Variants in TNK2 observed in about 807,000 individuals in gnomAD.
The protein encoded by TNK2 is tyrosine kinase non receptor 2, also known as activated CDC42 kinase 1.
In TNK2, 83 loss-of-function variants were observed where a neutral mutation model predicts 101.8. The observed-to-expected ratio is 0.82, with a 90% confidence interval of 0.68 to 0.98. The LOEUF is 0.98. TNK2 is among the 50% of genes least tolerant of loss of function. The pLI is 0.00. For missense variants in TNK2, 1,665 were observed against 1,483.2 expected, an observed-to-expected ratio of 1.12 and a Z score of -2.01; for synonymous variants, 804 against 633.0, an observed-to-expected ratio of 1.27 and a Z score of -4.06.
At position 195,884,982 on chromosome 3, in the gene TNK2, T is replaced by G; in HGVS notation, c.286A>C (p.Ser96Arg). The G allele has an allele frequency of 6.2e-7, 1 of 1,613,158 alleles. No individual in the cohort carries two copies. The highest frequency in any genetic ancestry group is 8.5e-7 in the Non-Finnish European group (1 of 1,179,556). ...GCGGGCGAGGTCTTCCGGAAGGTGC[T>G]CTGAGAGTGATGAGGTGGGAACTCA... ...EAEFPPHHSQ[S>R]TFRKTSPAPG... Residue 96 changes from serine to arginine, a missense_variant, in exon 4 of 16, where the codon AGC becomes CGC. Transcript: ENST00000672887.
At chr3:195,872,579 C>T in intron 9 of TNK2, 109 bp from the exon 10 acceptor site, 1 of 1,191,212 alleles carries the variant, frequency 8.4e-7, no homozygotes, top group Non-Finnish European at 1.2e-6. Flanking sequence ...GGAGCTCAGG[C>T]CTCAGGACCA....
intron 13 of TNK2, 21 bp downstream of exon 13, chr3:195,867,340 A>G: frequency 6.2e-7 from 1 of 1,608,362 alleles, no homozygotes; most frequent in East Asian, 2.2e-5. Flanking sequence ...CGCTTCGCCC[A>G]CAGCCAGGCT....
rs2149121331 is a variant in TNK2 at position 195,863,623 on chromosome 3, C to T, written c.*558G>A. ...AGCCACCTCAGGCTATTTCCAGGCA[C>T]AAGATCCTGAGGCCAGCCAAGTCCC... On this transcript the variant is annotated 3_prime_UTR_variant, in exon 16 of 16. Transcript: ENST00000672887. 1 of 153,296 alleles carries T rather than the reference C, an allele frequency of 6.5e-6. No individual in the cohort carries two copies. The highest frequency in any genetic ancestry group is 2.4e-5 in the African/African-American group (1 of 41,582). 9.5% of individuals were successfully genotyped at this position (153,296 alleles called of 1,614,324 possible).
intron 15 of TNK2, among the ~76,000 whole-genome samples, chr3:195,865,007 G>A (rs571799276): frequency 4.1e-5 from 5 of 120,978 alleles, no homozygotes; most frequent in African/African-American, 6.3e-5. Flanking sequence ...AGGTGACAGC[G>A]AGTGCCTGCG....
intron 1 of TNK2, among the ~76,000 whole-genome samples, chr3:195,901,483 T>C (rs1204455029): frequency 6.6e-6 from 1 of 151,938 alleles, no homozygotes; most frequent in East Asian, 1.9e-4. Flanking sequence ...AAGAGTCCAA[T>C]GTTGTTACAT....
At chr3:195,897,890 T>A (rs1430935646) in intron 1 of TNK2, among the ~76,000 whole-genome samples, 5 of 145,510 alleles carry the variant, frequency 3.4e-5, no homozygotes, top group Non-Finnish European at 7.5e-5. Flanking sequence ...TCATGTTTCC[T>A]TCTATTCTCC....
At position 195,867,928 on chromosome 3, in the gene TNK2, A is replaced by G; in HGVS notation, c.2370T>C (p.Pro790=). The G allele has an allele frequency of 6.5e-7, 1 of 1,532,598 alleles. No homozygotes were observed. The highest frequency in any genetic ancestry group is 8.7e-7 in the Non-Finnish European group (1 of 1,150,752). 94.9% of individuals were successfully genotyped at this position (1,532,598 alleles called of 1,614,324 possible). A position where few individuals can be genotyped will look rare whatever the true frequency, so the allele number is the denominator to read the frequency against. Residue 790 remains proline, a synonymous_variant, in exon 13 of 16, where the codon CCT becomes CCC. Coordinates refer to ENST00000672887, the MANE Select transcript of TNK2 (RefSeq NM_001382273.1). ...ETSQWPGPAS[P]PRVPPREPLS... is the part of the protein sequence containing the mutation. ...GGGGCTCCCGCGGAGGCACCCGGGG[A>G]GGGGAAGCAGGTCCAGGCCACTGGC...
chr3:195,906,037 AGACATAC>A (rs747884481), intron 1 of TNK2, among the ~76,000 whole-genome samples: 10 of 152,228 alleles, frequency 6.6e-5, no homozygotes, highest in Non-Finnish European at 1.5e-4. Flanking sequence ...ACAGCACCAA[AGACATAC>A]GTATGGCAAA....
Position 195,878,601 on chromosome 3 carries a change from G to C in TNK2, c.1015-9C>G. 1 of 1,610,768 alleles carries C rather than the reference G, an allele frequency of 6.2e-7. No individual in the cohort carries two copies. The highest frequency in any genetic ancestry group is 8.5e-7 in the Non-Finnish European group (1 of 1,178,572). ...TCGATCTTATGCAGGATCTGAAGGT[G>C]AGGAGGTGCAGAGTTTGACGACAAA... On this transcript the variant is annotated splice_polypyrimidine_tract_variant and intron_variant, in intron 7 of 15. Coordinates refer to ENST00000672887, the MANE Select transcript of TNK2 (RefSeq NM_001382273.1). The surrounding 1 kb of genome is among the most constrained non-coding windows in gnomAD (Gnocchi z 4.7).
intron 2 of TNK2, among the ~76,000 whole-genome samples, chr3:195,887,838 G>A (rs1171082699): frequency 1.5e-5 from 1 of 64,832 alleles, no homozygotes; most frequent in Non-Finnish European, 2.7e-5. Flanking sequence ...GCACACACGT[G>A]TGTGTGTGTG....
chr3:195,903,045 C>T (rs1761379296), intron 1 of TNK2, among the ~76,000 whole-genome samples: 2 of 151,178 alleles, frequency 1.3e-5, no homozygotes, highest in South Asian at 2.1e-4. Flanking sequence ...CCACCGCACC[C>T]GGCCAGCTAA....
intron 1 of TNK2, among the ~76,000 whole-genome samples, chr3:195,891,007 T>C (rs889083280): frequency 2.0e-5 from 3 of 152,242 alleles, no homozygotes; most frequent in African/African-American, 7.2e-5. Context: ...TACCTTCCTC[T>C]TATGTCTCTT....
chr3:195,895,752 G>A, intron 1 of TNK2: 1 of 331,214 alleles, frequency 3.0e-6, no homozygotes, highest in Non-Finnish European at 5.1e-6. Context: ...CACGGTAAGG[G>A]GCCATCCGAG....
At position 195,882,062 on chromosome 3, in the gene TNK2, C is replaced by T; in HGVS notation, c.876G>A (p.Val292=). The part of the protein sequence containing the change: ...DHYVMQEHRK[V]PFAWCAPESL... ...CACCTGCCCCTCACCAGGCGAAGGG[C>T]ACCTTGCGATGTTCCTGCATGACGT... The change falls in exon 6 of 16, where the codon GTG becomes GTA. Residue 292 remains valine, a synonymous_variant. Transcript: ENST00000672887. This position sits in a 1 kb window ranked among gnomAD's most constrained non-coding sequence, Gnocchi z 4.2. The T allele has an allele frequency of 6.2e-7, 1 of 1,609,054 alleles. No individual in the cohort carries two copies. The highest frequency in any genetic ancestry group is 8.5e-7 in the Non-Finnish European group (1 of 1,176,248).
At chr3:195,907,238 C>A (rs1273468353) in intron 1 of TNK2, among the ~76,000 whole-genome samples, 2 of 152,254 alleles carry the variant, frequency 1.3e-5, no homozygotes, top group Non-Finnish European at 2.9e-5. Flanking sequence ...GGCACAGCAG[C>A]TGAACTTCCG....
At chr3:195,873,604 C>T (rs1747016403) in intron 9 of TNK2, among the ~76,000 whole-genome samples, 1 of 152,212 alleles carries the variant, frequency 6.6e-6, no homozygotes, top group East Asian at 1.9e-4. Context: ...ACGCCCTCCC[C>T]ACCAACCCCC....
Position 195,864,077 on chromosome 3 carries a change from G to T in TNK2, c.*104C>A. 1 of 1,508,080 alleles carries T rather than the reference G, an allele frequency of 6.6e-7. No homozygotes were observed. The highest frequency in any genetic ancestry group is 9.1e-7 in the Non-Finnish European group (1 of 1,093,792). The allele number at this position is 1,508,080 out of a possible 1,614,324, so 93.4% of individuals were successfully genotyped here. A position where few individuals can be genotyped will look rare whatever the true frequency, so the allele number is the denominator to read the frequency against. ...TGCTCCATCCCCGGGAGCAGCAGGA[G>T]CAGCGGGTCCTCCAGGACTGGATGG... On this transcript the variant is annotated 3_prime_UTR_variant, in exon 16 of 16. Coordinates refer to ENST00000672887, the MANE Select transcript of TNK2 (RefSeq NM_001382273.1).
intron 1 of TNK2, chr3:195,892,352 G>T: frequency 1.4e-6 from 2 of 1,442,100 alleles, no homozygotes; most frequent in Non-Finnish European, 1.8e-6. Flanking sequence ...TCTCAGTCAA[G>T]TGCTGGTGCT....
rs757500864 is a variant in TNK2 at position 195,884,900 on chromosome 3, T to G, written c.368A>C (p.Glu123Ala). Residue 123 changes from glutamate to alanine, a missense_variant, in exon 4 of 16, where the codon GAG becomes GCG. Physicochemically the swap from Glu to Ala is moderately radical, Grantham distance 107 (BLOSUM62 -1). This residue lies in a region of TNK2 where 490 missense variants were observed against 522.5 expected (regional missense o/e 0.94). Transcript: ENST00000672887. ...PLQSLTCLIG[E>A]KDLRLLEKLG... Reference sequence around the variant, plus strand: ...CTTCTCCAGGAGGCGCAGGTCCTTCTCCCCAATGAGGCAGGTGAGGCTCTG... The same window carrying G: ...CTTCTCCAGGAGGCGCAGGTCCTTCGCCCCAATGAGGCAGGTGAGGCTCTG... 3 of 1,614,030 alleles carry G rather than the reference T, an allele frequency of 1.9e-6. No homozygotes were observed. In the African/African-American group the frequency reaches 4.0e-5, roughly 22 times the overall value.
Sources: allele counts gnomAD v4.1 joint callset (sites outside exome capture counted in the v4.1 genomes callset), GRCh38; gene constraint gnomAD v4.1.1; regional missense constraint gnomAD v4.1.1; non-coding constraint Gnocchi (gnomAD v3.1); transcripts MANE v1.5; gene names NCBI Gene and HGNC (gene_info 2026-07-23, HGNC 2026-07-21).